The following ANO10 variants were observed in gnomAD, a reference collection of about 807,000 sequenced individuals.
ANO10 encodes anoctamin 10, also known as anoctamin-10.
In ANO10, 77 loss-of-function variants were observed where a neutral mutation model predicts 74.7. The observed-to-expected ratio is 1.03, with a 90% CI of 0.86 to 1.25. The LOEUF is 1.25. ANO10 is among the 50% of genes most tolerant of loss of function. The pLI is 0.00. For synonymous variants in ANO10, 279 were observed against 284.9 expected, an observed-to-expected ratio of 0.98 and a Z score of 0.21; for missense variants, 721 against 778.1, an observed-to-expected ratio of 0.93 and a Z score of 0.87.
chr3:43,448,722 T>G (rs2093285078), intron 11 of ANO10, among the ~76,000 whole-genome samples: 1 of 152,208 alleles, frequency 6.6e-6, no homozygotes, highest in African/African-American at 2.4e-5. Context: ...GGAGCATGGC[T>G]GCTAAATCAT....
intron 11 of ANO10, among the ~76,000 whole-genome samples, chr3:43,470,062 C>A (rs1308696846): frequency 6.6e-6 from 1 of 152,116 alleles, no homozygotes; most frequent in Non-Finnish European, 1.5e-5. Context: ...TTCATAATTG[C>A]CCAAACTGGA....
intron 11 of ANO10, among the ~76,000 whole-genome samples, chr3:43,490,068 A>G (rs541188092): frequency 6.6e-6 from 1 of 152,354 alleles, no homozygotes; most frequent in South Asian, 2.1e-4. Flanking sequence ...CAGCAATTAC[A>G]TCAGGCCGTT....
intron 11 of ANO10, among the ~76,000 whole-genome samples, chr3:43,516,861 CAG>C (rs1433568180): frequency 2.0e-5 from 3 of 152,220 alleles, no homozygotes; most frequent in East Asian, 3.9e-4. Context: ...GATTATAAAA[CAG>C]AGTAGGAAGG....
chr3:43,483,282 A>G (rs2149092117), intron 11 of ANO10, among the ~76,000 whole-genome samples: 1 of 152,364 alleles, frequency 6.6e-6, no homozygotes, highest in South Asian at 2.1e-4. Context: ...CCTTTTACTC[A>G]TAAGTTTAGT....
intron 12 of ANO10, among the ~76,000 whole-genome samples, chr3:43,367,478 G>T (rs2091453075): frequency 6.6e-6 from 1 of 152,186 alleles, no homozygotes; most frequent in Non-Finnish European, 1.5e-5. Flanking sequence ...CAAATCATCA[G>T]ATGTTTCTCA....
At chr3:43,458,713 C>T (rs2075248864) in intron 11 of ANO10, among the ~76,000 whole-genome samples, 1 of 152,152 alleles carries the variant, frequency 6.6e-6, no homozygotes, top group Non-Finnish European at 1.5e-5. Context: ...TATAGGTATA[C>T]ATGTGCCATG....
intron 11 of ANO10, among the ~76,000 whole-genome samples, chr3:43,509,370 AAAG>A (rs1332929666): frequency 1.3e-5 from 2 of 152,262 alleles, no homozygotes; most frequent in South Asian, 2.1e-4. Flanking sequence ...ATTTAAAAAA[AAAG>A]AAATAAAATG....
chr3:43,389,158 T>A (rs2092210064), intron 12 of ANO10, among the ~76,000 whole-genome samples: 1 of 152,246 alleles, frequency 6.6e-6, no homozygotes, highest in Non-Finnish European at 1.5e-5. Context: ...TCTACCTCCT[T>A]GCTTTGCTTT....
chr3:43,451,673 T>C (rs2074883213), intron 11 of ANO10, among the ~76,000 whole-genome samples: 2 of 152,150 alleles, frequency 1.3e-5, no homozygotes, highest in African/African-American at 4.8e-5. Context: ...CAAGACAATT[T>C]TTTTGCACAC....
intron 4 of ANO10, 85 bp from the exon 5 acceptor site, chr3:43,580,557 C>T: frequency 5.2e-6 from 8 of 1,546,654 alleles, no homozygotes; most frequent in South Asian, 3.4e-5. Flanking sequence ...AAGGACACTC[C>T]ACAGAGGAGT....
chr3:43,576,305 C>T (rs1269564930), intron 6 of ANO10, among the ~76,000 whole-genome samples: 1 of 152,090 alleles, frequency 6.6e-6, no homozygotes, highest in Non-Finnish European at 1.5e-5. Context: ...ATTAGGAGCA[C>T]AAGCTTTGGA....
At chr3:43,526,955 G>A (rs2078226995) in intron 11 of ANO10, among the ~76,000 whole-genome samples, 1 of 151,918 alleles carries the variant, frequency 6.6e-6, no homozygotes, top group South Asian at 2.1e-4. Context: ...ATACATATGT[G>A]TGTGTATACA....
intron 1 of ANO10, among the ~76,000 whole-genome samples, chr3:43,607,869 A>G (rs1412744407): frequency 6.6e-6 from 1 of 152,178 alleles, no homozygotes; most frequent in African/African-American, 2.4e-5. Flanking sequence ...GAACCCAAGG[A>G]AGGCTTTATA....
chr3:43,647,333 T>C (rs1261805461), intron 1 of ANO10, among the ~76,000 whole-genome samples: 2 of 151,926 alleles, frequency 1.3e-5, no homozygotes, highest in Non-Finnish European at 2.9e-5. Context: ...GTTGGGGAGT[T>C]GGGGGAGCGC....
chr3:43,451,816 C>T (rs191470916), intron 11 of ANO10, among the ~76,000 whole-genome samples: 1 of 152,222 alleles, frequency 6.6e-6, no homozygotes, highest in East Asian at 1.9e-4. Context: ...GTTTGAGAGG[C>T]TCTATGCTTA....
At chr3:43,495,717 T>G (rs1044959295) in intron 11 of ANO10, among the ~76,000 whole-genome samples, 3 of 152,166 alleles carry the variant, frequency 2.0e-5, no homozygotes, top group African/African-American at 7.2e-5. Context: ...TTTTTTTTTT[T>G]TGAGATGGAG....
intron 11 of ANO10, among the ~76,000 whole-genome samples, chr3:43,482,753 C>A (rs2076320908): frequency 6.6e-6 from 1 of 152,176 alleles, no homozygotes; most frequent in Non-Finnish European, 1.5e-5. Flanking sequence ...GCAGCCAGAC[C>A]AAAACAGACT....
In ANO10 at chr3:43,571,377, C is replaced by T. The variant is rs866722950; in HGVS notation, c.1218+3432G>A. Among the ~76,000 whole-genome samples the T allele has an allele frequency of 8.8e-3, 1,333 of 151,896 alleles. 13 individuals carry two copies. Among genetic ancestry groups the T allele is most frequent in the Non-Finnish European group, 0.011 (750 of 67,854 alleles). ...TATAAATCATGCTGCTATAAAGACA[C>T]ATGCACACGTATGTTTATTGCGGCA... On this transcript the variant is annotated intron_variant, in intron 7 of 12. Transcript: ENST00000292246.
intron 11 of ANO10, among the ~76,000 whole-genome samples, chr3:43,465,674 C>G (rs2075580579): frequency 6.6e-6 from 1 of 151,956 alleles, no homozygotes; most frequent in Admixed American, 6.6e-5. Context: ...AATAAATAAT[C>G]TTATGAGACC....
Sources: allele counts gnomAD v4.1 joint callset (sites outside exome capture counted in the v4.1 genomes callset), GRCh38; gene constraint gnomAD v4.1.1; transcripts MANE v1.5; gene names NCBI Gene and HGNC (gene_info 2026-07-23, HGNC 2026-07-21).